The following ZNF346 variants were observed in gnomAD, a reference collection of about 807,000 sequenced individuals.
ZNF346 encodes the protein double-stranded RNA-binding zinc finger protein JAZ.
In ZNF346, 23 loss-of-function variants were observed where a neutral mutation model predicts 33.7. The ratio of observed to expected loss-of-function variants is 0.68; its 90% confidence interval spans 0.49 to 0.97. ZNF346 has a LOEUF of 0.97. ZNF346 is among the 50% of genes least tolerant of loss of function. The pLI, the probability that ZNF346 is intolerant of heterozygous loss-of-function variation, is 0.00. For synonymous variants in ZNF346, 134 were observed against 142.4 expected (o/e 0.94, Z 0.42); for missense variants, 340 against 371.1 (o/e 0.92, Z 0.69).
intron 1 of ZNF346, among the ~76,000 whole-genome samples, chr5:177,036,869 C>T (rs966712276): frequency 1.3e-5 from 2 of 152,066 alleles, no homozygotes; most frequent in Admixed American, 1.3e-4. Context: ...GAAATTGAGG[C>T]TACAGTGAGC....
chr5:177,045,397 T>A (rs901280159), intron 4 of ZNF346, among the ~76,000 whole-genome samples: 21 of 152,046 alleles, frequency 1.4e-4, no homozygotes, highest in African/African-American at 5.1e-4. Context: ...CTCTGTTGCC[T>A]AGGTTAGAGT....
At chr5:177,056,162 T>G (rs1781654582) in intron 5 of ZNF346, among the ~76,000 whole-genome samples, 1 of 151,726 alleles carries the variant, frequency 6.6e-6, no homozygotes, top group Non-Finnish European at 1.5e-5. Flanking sequence ...GGAGAATCTC[T>G]TGAACCTGGT....
chr5:177,055,040 T>TG (rs1781482153), intron 5 of ZNF346, among the ~76,000 whole-genome samples: 1 of 151,256 alleles, frequency 6.6e-6, no homozygotes, highest in East Asian at 1.9e-4. Flanking sequence ...GTAGGTTTTT[T>TG]TTTTTTTTTT....
chr5:177,030,758 A>G (rs1267795952), intron 1 of ZNF346, among the ~76,000 whole-genome samples: 1 of 152,090 alleles, frequency 6.6e-6, no homozygotes, highest in Admixed American at 6.6e-5. Flanking sequence ...CATCACCCCA[A>G]TAAAGAAACC....
At chr5:177,049,840 AT>A (rs760700935) in intron 4 of ZNF346, among the ~76,000 whole-genome samples, 1,486 of 146,392 alleles carry the variant, frequency 0.01, 8 homozygotes, top group South Asian at 0.026. Context: ...CACATCACTA[AT>A]TTTTTTTTTT....
At chr5:177,032,794 A>G (rs1777912045) in intron 1 of ZNF346, among the ~76,000 whole-genome samples, 1 of 151,982 alleles carries the variant, frequency 6.6e-6, no homozygotes, top group Non-Finnish European at 1.5e-5. Context: ...GGTGGCCCAC[A>G]CCTGTAGTCC....
chr5:177,076,667 C>T (rs1172879429), intron 8 of ZNF346, among the ~76,000 whole-genome samples: 1 of 152,200 alleles, frequency 6.6e-6, no homozygotes, highest in Non-Finnish European at 1.5e-5. Flanking sequence ...AATCTCTCTC[C>T]CCCTCTGCAA....
At chr5:177,068,928 T>C (rs763664924), downstream of ZNF346, among the ~76,000 whole-genome samples, 1 of 143,372 alleles carries the variant, frequency 7.0e-6, no homozygotes, top group Admixed American at 6.7e-5. Flanking sequence ...CTCACTTACA[T>C]GTATACATTG....
chr5:177,076,842 A>C (rs994052908), intron 8 of ZNF346, among the ~76,000 whole-genome samples: 9 of 152,114 alleles, frequency 5.9e-5, no homozygotes, highest in African/African-American at 2.2e-4. Flanking sequence ...GGAGTTTGAG[A>C]CCATCCTGGC....
Position 177,067,159 on chromosome 5 carries a change from G to A in ZNF346, c.*2560G>A, listed in dbSNP as rs1027252499. Among the ~76,000 whole-genome samples, 5 of 152,224 alleles carry A rather than the reference G, an allele frequency of 3.3e-5. No homozygotes were observed. Among genetic ancestry groups the A allele is most frequent in the African/African-American group, 7.2e-5 (3 of 41,540 alleles). ...CCTGGAAGGGTGAGGCAGGAGGATC[G>A]CTTTAACCATGAGTTCAAGGCAGCA... On this transcript the variant is annotated 3_prime_UTR_variant, in exon 7 of 7. Transcript: ENST00000358149.
At chr5:177,032,244 TCCAC>T (rs1777836144) in intron 1 of ZNF346, among the ~76,000 whole-genome samples, 3 of 152,046 alleles carry the variant, frequency 2.0e-5, no homozygotes, top group Admixed American at 2.0e-4. Flanking sequence ...CCTCAGGTAA[TCCAC>T]CCACCTTGGC....
intron 5 of ZNF346, among the ~76,000 whole-genome samples, chr5:177,059,323 A>G (rs996505409): frequency 6.6e-6 from 1 of 152,020 alleles, no homozygotes; most frequent in African/African-American, 2.4e-5. Context: ...CCACATTGAA[A>G]CCCAATGTAG....
chr5:177,071,300 T>A (rs1783486563), downstream of ZNF346, among the ~76,000 whole-genome samples: 1 of 151,182 alleles, frequency 6.6e-6, no homozygotes, highest in Non-Finnish European at 1.5e-5. Flanking sequence ...CTCGGGAGGC[T>A]GAGGCAGGAG....
At chr5:177,069,533 TTTTTTG>T (rs1181154536), downstream of ZNF346, among the ~76,000 whole-genome samples, 1 of 152,012 alleles carries the variant, frequency 6.6e-6, no homozygotes, top group Non-Finnish European at 1.5e-5. Flanking sequence ...GCCATCCTAC[TTTTTTG>T]TTTTTGTTTT....
At chr5:177,048,681 C>A (rs1374961785) in intron 4 of ZNF346, among the ~76,000 whole-genome samples, 1 of 151,728 alleles carries the variant, frequency 6.6e-6, no homozygotes, top group East Asian at 1.9e-4. Flanking sequence ...ACTCTCTGTG[C>A]TTTTGATCTT....
chr5:177,023,045 G>T (rs1487360984), intron 1 of ZNF346, 132 bp downstream of exon 1: 1 of 1,447,978 alleles, frequency 6.9e-7, no homozygotes, highest in Non-Finnish European at 9.3e-7. Flanking sequence ...CCAGACTTGT[G>T]CTCCCCATCC....
intron 1 of ZNF346, 112 bp downstream of exon 1, chr5:177,023,025 C>T: frequency 7.0e-7 from 1 of 1,434,698 alleles, no homozygotes; most frequent in Non-Finnish European, 9.3e-7. Context: ...CGTGCTGCGC[C>T]CCGGGACCCC....
chr5:177,072,456 T>C (rs894739515), downstream of ZNF346, among the ~76,000 whole-genome samples: 11 of 152,202 alleles, frequency 7.2e-5, no homozygotes, highest in Admixed American at 2.0e-4. Context: ...CCCTGCTCTC[T>C]GATTCCAGGA....
intron 4 of ZNF346, among the ~76,000 whole-genome samples, chr5:177,044,946 T>C (rs1371764835): frequency 6.6e-6 from 1 of 152,224 alleles, no homozygotes; most frequent in Non-Finnish European, 1.5e-5. Context: ...GCTCAGGTTA[T>C]GGCCTACTCA....
Sources: gnomAD v4.1 joint callset for allele counts (sites outside exome capture counted in the v4.1 genomes callset) on GRCh38, gnomAD v4.1.1 for gene constraint, MANE v1.5 for transcripts, NCBI Gene and HGNC (gene_info 2026-07-23, HGNC 2026-07-21) for gene names.